The following NCKAP1 variants were observed in gnomAD, a reference collection of about 807,000 sequenced individuals.
The protein encoded by NCKAP1 is NCK associated protein 1, also known as nck-associated protein 1.
A neutral mutation model predicts 151.2 loss-of-function variants in NCKAP1; 21 were observed. The ratio of observed to expected loss-of-function variants is 0.14; its 90% CI spans 0.10 to 0.20. The LOEUF (loss-of-function observed/expected upper bound fraction) is 0.20. Among genes scored for constraint, NCKAP1 ranks in the 10% least tolerant of loss-of-function variants. The pLI is 1.00. For synonymous variants in NCKAP1, 484 were observed against 451.8 expected (o/e 1.07, Z -0.90); for missense variants, 933 against 1,352.1 (o/e 0.69, Z 4.86).
intron 2 of NCKAP1, among the ~76,000 whole-genome samples, chr2:183,016,754 T>C (rs532756403): frequency 1.4e-4 from 21 of 152,148 alleles, no homozygotes; most frequent in Middle Eastern, 3.4e-3. Flanking sequence ...GAGAAAGTGA[T>C]TGTTTTTTGT....
chr2:183,004,328 T>C (rs1332827078), intron 2 of NCKAP1, among the ~76,000 whole-genome samples: 1 of 152,036 alleles, frequency 6.6e-6, no homozygotes, highest in East Asian at 1.9e-4. Context: ...GAGGCCTCCA[T>C]ATAGTTCTGA....
chr2:182,959,517 G>A (rs887944023), intron 18 of NCKAP1, among the ~76,000 whole-genome samples: 3 of 152,220 alleles, frequency 2.0e-5, no homozygotes, highest in African/African-American at 7.2e-5. Flanking sequence ...TGCACAAAAG[G>A]CCTTTGACAA....
Position 183,013,924 on chromosome 2 carries a change from T to TA in NCKAP1, c.219+9881dup, listed in dbSNP as rs560952583. On this transcript the variant is annotated intron_variant, in intron 2 of 30. Coordinates refer to ENST00000361354, the MANE Select transcript of NCKAP1 (RefSeq NM_013436.5). Reference sequence around the variant, plus strand: ...CAGCACAGAATGCTCCTCCCCTAGCTAAACTCACTCCCTCATATCTTCAAA... The same window carrying TA: ...CAGCACAGAATGCTCCTCCCCTAGCTAAAACTCACTCCCTCATATCTTCAAA... 2.9e-4 allele frequency among the ~76,000 whole-genome samples: 44 copies of TA among 152,270 alleles called. No individual in the cohort carries two copies. In the South Asian group the frequency reaches 8.1e-3, roughly 28 times the overall value.
In NCKAP1 at chr2:182,935,350, C is replaced by T. The variant is rs1419980478; in HGVS notation, c.2721G>A (p.Met907Ile). The T allele has an allele frequency of 6.3e-7, 1 of 1,585,732 alleles. No individual in the cohort carries two copies. The highest frequency in any genetic ancestry group is 2.3e-5 in the East Asian group (1 of 42,762). Residue 907 changes from methionine to isoleucine, a missense_variant, in exon 25 of 31, where the codon ATG (methionine) becomes ATA (isoleucine). Transcript: ENST00000361354. The part of the protein sequence containing the change: ...LSSVDSVLKR[M>I]TIIGVILSFR... ...AGGATAAAATTACACCAATTATTGT[C>T]ATCCTCTTCAAGACACTGTCAACAG... is the stretch of plus-strand genomic sequence containing the variant.
chr2:182,982,814 A>C lies in NCKAP1; in HGVS notation c.1208+7T>G, dbSNP rs1463717104. Reference sequence around the variant, plus strand: ...AGAAAATATTTTTTTAAATGTTGCTAACTTACTTATCTATAAAGTCGTCTG... The same window carrying C: ...AGAAAATATTTTTTTAAATGTTGCTCACTTACTTATCTATAAAGTCGTCTG... On this transcript the variant is annotated splice_region_variant and intron_variant, in intron 12 of 30. Coordinates refer to ENST00000361354, the MANE Select transcript of NCKAP1 (RefSeq NM_013436.5). 1 of 1,563,414 alleles carries C rather than the reference A, an allele frequency of 6.4e-7. No individual in the cohort carries two copies. The highest frequency in any genetic ancestry group is 8.7e-7 in the Non-Finnish European group (1 of 1,151,914).
At chr2:182,942,959 A>G (rs1697028150) in intron 23 of NCKAP1, among the ~76,000 whole-genome samples, 1 of 152,206 alleles carries the variant, frequency 6.6e-6, no homozygotes, top group African/African-American at 2.4e-5. Flanking sequence ...TCTTTGTTGC[A>G]GTTACCTGTG....
intron 1 of NCKAP1, among the ~76,000 whole-genome samples, chr2:183,034,658 C>A (rs1204401240): frequency 1.3e-5 from 2 of 152,090 alleles, no homozygotes; most frequent in East Asian, 3.8e-4. Context: ...TGCTCAGATT[C>A]CTAAATACTA....
At chr2:182,995,445 T>C (rs1411868256) in intron 7 of NCKAP1, among the ~76,000 whole-genome samples, 2 of 152,160 alleles carry the variant, frequency 1.3e-5, no homozygotes, top group African/African-American at 4.8e-5. Flanking sequence ...TTTTCTACCA[T>C]GATAAAGCAA....
chr2:183,008,260 A>T, intron 2 of NCKAP1, among the ~76,000 whole-genome samples: 1 of 152,152 alleles, frequency 6.6e-6, no homozygotes, highest in Non-Finnish European at 1.5e-5. Context: ...ACACTACCCT[A>T]AAAAAACTGA....
intron 6 of NCKAP1, among the ~76,000 whole-genome samples, chr2:183,000,493 G>C (rs945540294): frequency 5.3e-5 from 8 of 152,102 alleles, no homozygotes; most frequent in African/African-American, 1.9e-4. Context: ...AAAGAGGAGA[G>C]GAATAGAAAA....
rs10803962 is a variant in NCKAP1 at position 182,916,120 on chromosome 2, T to C, written c.*9582A>G. 134,315 of 141,536 alleles carry C rather than the reference T, an allele frequency of 0.95. 63,827 individuals are homozygous for C. The highest frequency in any genetic ancestry group is 0.99 in the East Asian group (4,694 of 4,724). The allele number at this position is 141,536 out of a possible 1,614,324, so 8.8% of individuals were successfully genotyped here. The stretch of plus-strand genomic sequence containing the variant: ...TCCCCCTCCCCCACTCCAACTCTCC[T>C]TTTCCCTCTGCCATGTAAGAAGTAC... On this transcript the variant is annotated 3_prime_UTR_variant, in exon 31 of 31. Coordinates refer to ENST00000361354, the MANE Select transcript of NCKAP1 (RefSeq NM_013436.5).
intron 8 of NCKAP1, among the ~76,000 whole-genome samples, chr2:182,991,647 T>C (rs116054506): frequency 1.2e-3 from 180 of 149,982 alleles, no homozygotes; most frequent in African/African-American, 4.3e-3. Flanking sequence ...TTACCAAAAT[T>C]AGGATGAAAG....
Position 182,921,009 on chromosome 2 carries a change from G to T in NCKAP1, c.*4693C>A, listed in dbSNP as rs940515257. 4 of 152,162 alleles carry T rather than the reference G, an allele frequency of 2.6e-5. No individual in the cohort carries two copies. The highest frequency in any genetic ancestry group is 5.9e-5 in the Non-Finnish European group (4 of 68,028). 9.4% of individuals were successfully genotyped at this position (152,162 alleles called of 1,614,324 possible). On this transcript the variant is annotated 3_prime_UTR_variant, in exon 31 of 31. Transcript: ENST00000361354. ...AGTTTTAGTCTGTGAGCACGCTTCA[G>T]TGAAATTATATCACCACTGACCACA...
At chr2:182,937,104 G>C (rs1575016622) in intron 24 of NCKAP1, among the ~76,000 whole-genome samples, 1 of 90,804 alleles carries the variant, frequency 1.1e-5, no homozygotes, top group East Asian at 3.3e-4. Flanking sequence ...AACAGAGCAA[G>C]ACTGTCTCAC....
rs1342582065 is a variant in NCKAP1, at chr2:182,913,619, T to G, written c.*12083A>C. The G allele has an allele frequency of 6.6e-6, 1 of 152,148 alleles. No individual in the cohort carries two copies. Among genetic ancestry groups the G allele is most frequent in the African/African-American group, 2.4e-5 (1 of 41,422 alleles). 9.4% of individuals were successfully genotyped at this position (152,148 alleles called of 1,614,324 possible). On this transcript the variant is annotated 3_prime_UTR_variant, in exon 31 of 31. Transcript: ENST00000361354. ...CATCTAAAATGGTAAGCAATAAATT[T>G]CTTTACTTTATAAATTACCCAGTCT...
intron 26 of NCKAP1, among the ~76,000 whole-genome samples, chr2:182,933,417 G>A (rs1044030128): frequency 2.7e-5 from 4 of 146,862 alleles, no homozygotes; most frequent in Admixed American, 2.7e-4. Flanking sequence ...TTGGAGACGG[G>A]AGTTTTGCTC....
At position 183,015,879 on chromosome 2, in the gene NCKAP1, A is replaced by T. The variant is rs561520888; in HGVS notation, c.219+7927T>A. Among the ~76,000 whole-genome samples, 8 of 143,570 alleles carry T rather than the reference A, an allele frequency of 5.6e-5. No individual in the cohort carries two copies. In the South Asian group the frequency reaches 6.4e-4, roughly 12 times the overall value. 94.2% of individuals were successfully genotyped at this position (143,570 alleles called of 152,430 possible). A position where few individuals can be genotyped will look rare whatever the true frequency, so the allele number is the denominator to read the frequency against. On this transcript the variant is annotated intron_variant, in intron 2 of 30. Coordinates refer to ENST00000361354, the MANE Select transcript of NCKAP1 (RefSeq NM_013436.5). ...GATAAATAACCAAGGGTGAGGATAT[A>T]AAAAAAAAAAACTATATTAAAGTTA... is the stretch of plus-strand genomic sequence containing the variant.
intron 15 of NCKAP1, among the ~76,000 whole-genome samples, chr2:182,969,252 T>C (rs1697637361): frequency 6.6e-6 from 1 of 152,186 alleles, no homozygotes; most frequent in African/African-American, 2.4e-5. Context: ...TCATATCAAG[T>C]ATCTTCTCTG....
chr2:182,984,440 G>A (rs1698008676), intron 10 of NCKAP1, among the ~76,000 whole-genome samples: 1 of 151,990 alleles, frequency 6.6e-6, no homozygotes, highest in Non-Finnish European at 1.5e-5. Flanking sequence ...GTGTGTGTGT[G>A]TGTGTGTGTG....
Sources: allele counts gnomAD v4.1 joint callset (sites outside exome capture counted in the v4.1 genomes callset), GRCh38; gene constraint gnomAD v4.1.1; transcripts MANE v1.5; gene names NCBI Gene and HGNC (gene_info 2026-07-23, HGNC 2026-07-21).